Variants in TENM1 observed in about 807,000 individuals in gnomAD.
TENM1 encodes teneurin transmembrane protein 1, also known as teneurin-1.
In TENM1, 35 loss-of-function variants were observed where a neutral mutation model predicts 174.8. The ratio of observed to expected loss-of-function variants is 0.20; its 90% CI spans 0.15 to 0.27. TENM1 has a LOEUF of 0.27. Among genes scored for constraint, TENM1 ranks in the 10% least tolerant of loss-of-function variants. TENM1 has a pLI of 1.00. For synonymous variants in TENM1, 781 were observed against 798.7 expected, an observed-to-expected ratio of 0.98 and a Z score of 0.37; for missense variants, 1,633 against 2,130.1, an observed-to-expected ratio of 0.77 and a Z score of 4.59.
intron 3 of TENM1, among the ~76,000 whole-genome samples, chrX:124,745,612 T>C (rs186026683): frequency 3.1e-4 from 34 of 111,111 alleles, no homozygotes; most frequent in Non-Finnish European, 6.2e-4. Context: ...GGGTTGGGGT[T>C]ATAGCTAGTG....
chrX:124,925,131 TG>T (rs1440881234), intron 1 of TENM1, among the ~76,000 whole-genome samples: 1 of 108,726 alleles, frequency 9.2e-6, no homozygotes, highest in African/African-American at 3.3e-5. Flanking sequence ...AACATAATGC[TG>T]CATAGGGTAC....
chrX:124,585,998 C>A (rs763844541), intron 11 of TENM1, among the ~76,000 whole-genome samples: 1,279 of 109,117 alleles, frequency 0.012, 40 homozygotes, highest in African/African-American at 0.042. Context: ...AAGAAGGTGA[C>A]TCTCTGAATA....
intron 23 of TENM1, among the ~76,000 whole-genome samples, chrX:124,423,653 G>C (rs1481514841): frequency 1.8e-5 from 2 of 111,010 alleles, no homozygotes; most frequent in East Asian, 5.7e-4. Context: ...GAAGTTGAGG[G>C]GGGAGGGGCA....
intron 11 of TENM1, among the ~76,000 whole-genome samples, chrX:124,605,321 C>A (rs1165588013): frequency 9.4e-6 from 1 of 106,518 alleles, no homozygotes; most frequent in Admixed American, 1.0e-4. Flanking sequence ...CTAGGTCCAA[C>A]AGAAAGTTTC....
intron 1 of TENM1, among the ~76,000 whole-genome samples, chrX:124,936,811 C>T (rs2058251735): frequency 9.0e-6 from 1 of 111,429 alleles, no homozygotes; most frequent in Non-Finnish European, 1.9e-5. Flanking sequence ...CTTTGGGAGG[C>T]CGACGTGGGC....
intron 1 of TENM1, among the ~76,000 whole-genome samples, chrX:124,917,264 GT>G (rs2057941402): frequency 9.0e-6 from 1 of 111,625 alleles, no homozygotes; most frequent in Non-Finnish European, 1.9e-5. Flanking sequence ...TCCAACCTGT[GT>G]TCCAGTTTTT....
At chrX:124,569,268 AAAG>A (rs1392304292) in intron 11 of TENM1, among the ~76,000 whole-genome samples, 2 of 111,494 alleles carry the variant, frequency 1.8e-5, no homozygotes, top group East Asian at 2.8e-4. Flanking sequence ...AGCAAAATTG[AAAG>A]AAGAAGAAAG....
chrX:124,579,193 T>C (rs138285927), intron 11 of TENM1, among the ~76,000 whole-genome samples: 1,572 of 111,678 alleles, frequency 0.014, 31 homozygotes, highest in African/African-American at 0.048. Flanking sequence ...ACACACTACA[T>C]ATAAAAATAT....
the TENM1 span, among the ~76,000 whole-genome samples, chrX:125,084,591 G>T: frequency 8.2e-5 from 9 of 110,296 alleles, no homozygotes; most frequent in African/African-American, 3.0e-4. Flanking sequence ...TGAATTAAGT[G>T]GTTCATATAC....
At chrX:124,755,761 T>G (rs889488687) in intron 3 of TENM1, among the ~76,000 whole-genome samples, 1 of 108,774 alleles carries the variant, frequency 9.2e-6, no homozygotes, top group African/African-American at 3.4e-5. Flanking sequence ...TTAGTTTGGC[T>G]GGATATGAAA....
At chrX:124,444,141 T>G (rs2060940484) in intron 23 of TENM1, among the ~76,000 whole-genome samples, 2 of 111,866 alleles carry the variant, frequency 1.8e-5, no homozygotes, top group Admixed American at 1.9e-4. Flanking sequence ...ATCCATCAAT[T>G]TTATAATGGA....
intron 23 of TENM1, among the ~76,000 whole-genome samples, chrX:124,451,215 T>C (rs1330398403): frequency 9.0e-6 from 1 of 110,722 alleles, no homozygotes; most frequent in African/African-American, 3.3e-5. Context: ...TGTAGAATTG[T>C]GGTAAAATCA....
intron 5 of TENM1, among the ~76,000 whole-genome samples, chrX:124,694,972 A>T (rs2052614847): frequency 8.9e-6 from 1 of 112,275 alleles, no homozygotes; most frequent in South Asian, 3.7e-4. Context: ...CTAATTGCAG[A>T]ACCTAGACTT....
intron 4 of TENM1, among the ~76,000 whole-genome samples, chrX:124,711,948 T>C (rs148349269): frequency 0.048 from 5,320 of 111,951 alleles, 133 homozygotes; most frequent in Non-Finnish European, 0.072. Context: ...CATACAGTAT[T>C]TGTGTTTTTG....
chrX:124,977,647 G>A, the TENM1 span, among the ~76,000 whole-genome samples: 1 of 108,947 alleles, frequency 9.2e-6, no homozygotes, highest in East Asian at 2.9e-4. Context: ...CCAACCCCTG[G>A]CGACCACTAA....
intron 3 of TENM1, among the ~76,000 whole-genome samples, chrX:124,748,699 A>C (rs2053993805): frequency 8.9e-6 from 1 of 112,179 alleles, no homozygotes; most frequent in Non-Finnish European, 1.9e-5. Flanking sequence ...TAAGTACATC[A>C]TAACATTTTC....
chrX:124,797,331 T>C (rs1262537016), intron 3 of TENM1, among the ~76,000 whole-genome samples: 2 of 111,797 alleles, frequency 1.8e-5, no homozygotes, highest in Non-Finnish European at 3.8e-5. Flanking sequence ...GGGTTTTCCA[T>C]AGCACATAGT....
intron 5 of TENM1, among the ~76,000 whole-genome samples, chrX:124,685,137 A>AAACAACAAC (rs3060647): frequency 2.4e-4 from 25 of 106,107 alleles, no homozygotes; most frequent in South Asian, 8.3e-4. Flanking sequence ...AGCAAAAAAC[A>AAACAACAAC]AACAACAACA....
intron 23 of TENM1, among the ~76,000 whole-genome samples, chrX:124,437,819 C>T (rs906780218): frequency 2.7e-5 from 3 of 111,993 alleles, no homozygotes; most frequent in African/African-American, 9.8e-5. Context: ...TTATGTATCT[C>T]AAGATAAACA....
Sources: allele counts gnomAD v4.1 joint callset (sites outside exome capture counted in the v4.1 genomes callset), GRCh38; gene constraint gnomAD v4.1.1; transcripts MANE v1.5; gene names NCBI Gene and HGNC (gene_info 2026-07-23, HGNC 2026-07-21).